Variants in SMG5 observed in about 807,000 individuals in gnomAD.
The protein encoded by SMG5 is SMG5 nonsense mediated mRNA decay factor.
A neutral mutation model predicts 122.9 loss-of-function variants in SMG5; 53 were observed. The ratio of observed to expected loss-of-function variants is 0.43; its 90% confidence interval spans 0.35 to 0.54. The LOEUF (loss-of-function observed/expected upper bound fraction) is 0.54. Among genes scored for constraint, SMG5 ranks in the 20% least tolerant of loss-of-function variants. The pLI, the probability that SMG5 is intolerant of heterozygous loss-of-function variation, is 0.01. For synonymous variants in SMG5, 477 were observed against 490.2 expected, an observed-to-expected ratio of 0.97 and a Z score of 0.35; for missense variants, 1,153 against 1,285.6, an observed-to-expected ratio of 0.90 and a Z score of 1.58.
Position 156,260,622 on chromosome 1 carries a change from C to G in SMG5, c.2112G>C (p.Leu704=), listed in dbSNP as rs764719810. ...PAAGELQESG[L]ALCPEVQDLL... ...GATCTTGGACCTCAGGACACAAGGCCAGGCCTGGGCAGAAGAAGGACACAT... is the reference window on the plus strand; with the variant it reads ...GATCTTGGACCTCAGGACACAAGGCGAGGCCTGGGCAGAAGAAGGACACAT... The change falls in exon 15 of 22, where the codon CTG becomes CTC. Residue 704 remains leucine, a synonymous_variant. Coordinates refer to ENST00000361813, the MANE Select transcript of SMG5 (RefSeq NM_015327.3). The G allele has an allele frequency of 6.7e-7, 1 of 1,499,708 alleles. No homozygotes were observed. Among genetic ancestry groups the G allele is most frequent in the Non-Finnish European group, 8.9e-7 (1 of 1,128,554 alleles). 92.9% of individuals were successfully genotyped at this position (1,499,708 alleles called of 1,614,324 possible). A position where few individuals can be genotyped will look rare whatever the true frequency, so the allele number is the denominator to read the frequency against.
intron 7 of SMG5, 80 bp downstream of exon 7, chr1:156,272,237 AAGG>A: frequency 8.1e-7 from 1 of 1,229,698 alleles, no homozygotes; most frequent in Admixed American, 2.0e-5. Flanking sequence ...CAGCTAGAGG[AAGG>A]AGGAAGGGAA....
intron 13 of SMG5, among the ~76,000 whole-genome samples, chr1:156,262,844 A>AG (rs1661917521): frequency 7.0e-6 from 1 of 143,150 alleles, no homozygotes; most frequent in African/African-American, 2.5e-5. Flanking sequence ...ACATTGAATA[A>AG]ATGCCTCTGG....
chr1:156,286,542 T>C (rs1362737388), upstream of SMG5: 8 of 1,525,288 alleles, frequency 5.2e-6, no homozygotes, highest in Admixed American at 1.7e-5. Context: ...TCTGAATGTC[T>C]GGAGAGCCAG....
intron 5 of SMG5, among the ~76,000 whole-genome samples, chr1:156,273,985 A>G (rs1186903178): frequency 6.6e-6 from 1 of 152,170 alleles, no homozygotes; most frequent in African/African-American, 2.4e-5. Context: ...ACTACTAATG[A>G]TACTCTGGTT....
intron 12 of SMG5, among the ~76,000 whole-genome samples, chr1:156,264,699 A>G (rs1295076053): frequency 6.6e-6 from 1 of 152,140 alleles, no homozygotes; most frequent in Non-Finnish European, 1.5e-5. Flanking sequence ...AGGGAGGAAA[A>G]GCACTTGCCA....
chr1:156,261,658 T>C (rs1661844298), intron 13 of SMG5, among the ~76,000 whole-genome samples: 1 of 151,774 alleles, frequency 6.6e-6, no homozygotes, highest in African/African-American at 2.4e-5. Flanking sequence ...AAGGCCAAGG[T>C]AGGCGGATCA....
intron 4 of SMG5, 112 bp from the exon 5 acceptor site, chr1:156,274,798 C>T: frequency 1.2e-6 from 1 of 811,626 alleles, no homozygotes; most frequent in African/African-American, 1.7e-5. Flanking sequence ...AGTCTTGGAA[C>T]ATTGTCTTTC....
rs2758613 is a variant in SMG5, at chr1:156,262,730, C to G, written c.2031+665G>C. On this transcript the variant is annotated intron_variant, in intron 13 of 21. Coordinates refer to ENST00000361813, the MANE Select transcript of SMG5 (RefSeq NM_015327.3). Reference sequence around the variant, plus strand: ...CTGTCATCAGACATAAGCACACACCCAACGGTGCACCTGGCCCTGACCCAA... The same window carrying G: ...CTGTCATCAGACATAAGCACACACCGAACGGTGCACCTGGCCCTGACCCAA... 7.0e-3 allele frequency among the ~76,000 whole-genome samples: 1,072 copies of G among 152,290 alleles called. 10 individuals are homozygous for G. The highest frequency in any genetic ancestry group is 0.024 in the African/African-American group (1,003 of 41,552).
rs1207393421 is a variant in SMG5, at chr1:156,274,613, C to T, written c.528G>A (p.Val176=). 2 of 1,613,938 alleles carry T rather than the reference C, an allele frequency of 1.2e-6. No homozygotes were observed. The highest frequency in any genetic ancestry group is 2.2e-5 in the South Asian group (2 of 91,078). The stretch of plus-strand genomic sequence containing the variant: ...AATTCTTACACAAATCCCCCAGATA[C>T]ACCAGACATCGGTGACATGCCATCT... ...WAQMACHRCL[V]YLGDLSRYQN... Residue 176 remains valine (V), a synonymous_variant, in exon 5 of 22, where the codon GTG becomes GTA. Transcript: ENST00000361813.
At chr1:156,251,361 G>A in intron 20 of SMG5, 42 bp downstream of exon 20, 1 of 1,603,592 alleles carries the variant, frequency 6.2e-7, no homozygotes, top group Non-Finnish European at 8.5e-7. Context: ...GAGGAGCAAG[G>A]CAGGTGGCCT....
rs748868832 is a variant in SMG5, at chr1:156,277,234, TG to T, written c.304del (p.His102ThrfsTer50). On this transcript the variant is annotated frameshift_variant, in exon 4 of 22. Coordinates refer to ENST00000361813, the MANE Select transcript of SMG5 (RefSeq NM_015327.3). LOFTEE classifies it high-confidence loss of function. ...QLIKTNKKHIHSRSTLECAYR... is the reference protein window; with the variant it reads ...QLIKTNKKHIXSRSTLECAYR... ...GGCACATTCCAAAGTGCTCCGGCTG[TG>T]GATGTGCTACAGATTGCGAAAGGGA... 6.2e-7 allele frequency: 1 copy of T among 1,613,018 alleles called. No homozygotes were observed. The highest frequency in any genetic ancestry group is 8.5e-7 in the Non-Finnish European group (1 of 1,179,786).
intron 16 of SMG5, among the ~76,000 whole-genome samples, chr1:156,254,958 C>T (rs1223988908): frequency 2.0e-5 from 3 of 151,326 alleles, no homozygotes; most frequent in East Asian, 3.9e-4. Flanking sequence ...GGTGTGGTCA[C>T]GGGCACCTAT....
chr1:156,267,347 G>A, intron 10 of SMG5, 123 bp downstream of exon 10: 1 of 968,250 alleles, frequency 1.0e-6, no homozygotes. Flanking sequence ...CCACAGCCAA[G>A]CAGTGACACA....
At chr1:156,289,062 T>A in the SMG5 span, among the ~76,000 whole-genome samples, 14 of 152,168 alleles carry the variant, frequency 9.2e-5, no homozygotes, top group Non-Finnish European at 1.5e-4. Flanking sequence ...TTATCCAGGG[T>A]CCTTTCTTCT....
At chr1:156,289,774 A>T in the SMG5 span, among the ~76,000 whole-genome samples, 1 of 152,236 alleles carries the variant, frequency 6.6e-6, no homozygotes, top group Non-Finnish European at 1.5e-5. Flanking sequence ...TCATATATTA[A>T]GAAGTGATCC....
rs145850341 is a variant in SMG5, at chr1:156,260,498, G to T, written c.2236C>A (p.Arg746Ser). 6.9e-6 allele frequency: 11 copies of T among 1,590,724 alleles called. No homozygotes were observed. The African/African-American group carries it at 1.4e-4, about 20-fold the overall frequency. The change falls in exon 15 of 22, where the codon CGC becomes AGC. Residue 746 changes from arginine (R) to serine (S), a missense_variant. Physicochemically the swap from Arg to Ser is moderately radical, Grantham distance 110. Coordinates refer to ENST00000361813, the MANE Select transcript of SMG5 (RefSeq NM_015327.3). Reference sequence around the variant, plus strand: ...GGCCGATCCGTGTCAAAGTTAAAGCGTCTGTGGGCAGCTCGGAGCGGGGGC... The same window carrying T: ...GGCCGATCCGTGTCAAAGTTAAAGCTTCTGTGGGCAGCTCGGAGCGGGGGC... Reference protein sequence around the residue: ...NLPPLRAAHRRFNFDTDRPLL... With the variant: ...NLPPLRAAHRSFNFDTDRPLL...
At chr1:156,274,486 CA>C (rs1662588003) in intron 5 of SMG5, 110 bp downstream of exon 5, 2 of 963,158 alleles carry the variant, frequency 2.1e-6, no homozygotes, top group African/African-American at 3.2e-5. Flanking sequence ...TATCAGAAGC[CA>C]AACTATCCCT....
At chr1:156,287,280 G>T (rs1572608417), upstream of SMG5, among the ~76,000 whole-genome samples, 1 of 152,272 alleles carries the variant, frequency 6.6e-6, no homozygotes, top group South Asian at 2.1e-4. Flanking sequence ...GCCGGGTGTG[G>T]TGGTGGGCAT....
chr1:156,254,630 G>C (rs1298946541), intron 16 of SMG5, among the ~76,000 whole-genome samples: 1 of 152,058 alleles, frequency 6.6e-6, no homozygotes, highest in Admixed American at 6.6e-5. Context: ...TTTTTGTAGA[G>C]ACTGGGTTTC....
Sources: allele counts gnomAD v4.1 joint callset (sites outside exome capture counted in the v4.1 genomes callset), GRCh38; gene constraint gnomAD v4.1.1; transcripts MANE v1.5; gene names NCBI Gene and HGNC (gene_info 2026-07-23, HGNC 2026-07-21).